Variants in PTGFRN observed in about 807,000 individuals in gnomAD.
PTGFRN encodes the protein prostaglandin F2 receptor negative regulator.
Under a neutral mutation model 83.2 loss-of-function variants are expected in PTGFRN, and 35 were observed. The observed-to-expected ratio is 0.42, with a 90% CI of 0.32 to 0.56. The LOEUF (loss-of-function observed/expected upper bound fraction) is 0.56, where lower values mean the gene tolerates loss of function less well. Ranked by LOEUF, PTGFRN falls within the 20% of genes least tolerant of loss-of-function variation. The probability of loss-of-function intolerance (pLI) is 0.11; values close to 1 mark genes in which losing one functional copy is unlikely to be tolerated. For synonymous variants in PTGFRN, 519 were observed against 498.6 expected (o/e 1.04, Z -0.55); for missense variants, 1,051 against 1,179.5 (o/e 0.89, Z 1.60).
intron 7 of PTGFRN, among the ~76,000 whole-genome samples, chr1:116,979,157 T>G (rs1349730751): frequency 6.6e-6 from 1 of 152,040 alleles, no homozygotes; most frequent in Non-Finnish European, 1.5e-5. Context: ...GGAATCCAAC[T>G]TACAAGGGAT....
At chr1:116,910,314 G>A (rs1336778670) in intron 1 of PTGFRN, 62 bp downstream of exon 1, 10 of 1,248,966 alleles carry the variant, frequency 8.0e-6, no homozygotes, top group Non-Finnish European at 1.0e-5. Context: ...AGGGCTCGGC[G>A]GGGCGCGGCT....
chr1:116,920,916 G>A (rs968175957), intron 1 of PTGFRN, among the ~76,000 whole-genome samples: 2 of 152,162 alleles, frequency 1.3e-5, no homozygotes, highest in Non-Finnish European at 2.9e-5. Flanking sequence ...GAGCTACCAT[G>A]TCTAGCCGAA....
chr1:116,956,124 A>G (rs771136978), intron 4 of PTGFRN, among the ~76,000 whole-genome samples: 27 of 152,238 alleles, frequency 1.8e-4, no homozygotes, highest in Non-Finnish European at 2.5e-4. Flanking sequence ...TCCTACTCCT[A>G]CCATTCTGAC....
chr1:116,912,199 C>G (rs1255388698), intron 1 of PTGFRN, among the ~76,000 whole-genome samples: 4 of 152,230 alleles, frequency 2.6e-5, no homozygotes, highest in Non-Finnish European at 1.5e-5. Flanking sequence ...CCAGCATATC[C>G]TGTCCTGGCT....
chr1:116,966,822 T>G, intron 5 of PTGFRN, 89 bp from the exon 6 acceptor site: 1 of 1,375,874 alleles, frequency 7.3e-7, no homozygotes, highest in Non-Finnish European at 9.8e-7. Flanking sequence ...TGCAAATACA[T>G]TTCTGTTTCT....
chr1:116,914,767 G>GA (rs1417491526), intron 1 of PTGFRN, among the ~76,000 whole-genome samples: 1 of 151,372 alleles, frequency 6.6e-6, no homozygotes, highest in African/African-American at 2.4e-5. Flanking sequence ...AAAAAAAAAG[G>GA]AAAAAAATGT....
rs542278545 is a variant in PTGFRN at position 116,938,700 on chromosome 1, A to G, written c.50-3015A>G. ...TTTCAAAACCAATCATGCCTTCCCA[A>G]CAGTCCCCCAAAGTCTTAACTCATT... On this transcript the variant is annotated intron_variant, in intron 1 of 8. Coordinates refer to ENST00000393203, the MANE Select transcript of PTGFRN (RefSeq NM_020440.4). Among the ~76,000 whole-genome samples the G allele has an allele frequency of 6.0e-4, 92 of 152,292 alleles. 1 individual carries two copies. Among genetic ancestry groups the G allele is most frequent in the African/African-American group, 2.2e-3 (90 of 41,558 alleles).
chr1:116,961,340 G>A lies in PTGFRN; in HGVS notation c.1311G>A (p.Gly437=), dbSNP rs1295477028. The A allele has an allele frequency of 3.8e-6, 6 of 1,581,594 alleles. No homozygotes were observed. The highest frequency in any genetic ancestry group is 1.7e-4 in the Middle Eastern group (1 of 5,900). ...GCCGGGTGGTGGACACGAAGAGTGG[G>A]GAGGCGAATGTCCGATTCACGGTTT... ...LACRVVDTKS[G]EANVRFTVSW... Residue 437 remains glycine, a synonymous_variant, in exon 5 of 9, where the codon GGG becomes GGA. Coordinates refer to ENST00000393203, the MANE Select transcript of PTGFRN (RefSeq NM_020440.4). The surrounding 1 kb of genome is among the most constrained non-coding windows in gnomAD (Gnocchi z 5.4).
rs1424542277 is a variant in PTGFRN, at chr1:116,949,370, T to C, written c.1011T>C (p.Asp337=). Reference sequence around the variant, plus strand: ...GCGTGTTGGCGCGGCTTGACCGTGATTCCCTGGTGCACAGCTCGCCTCATG... The same window carrying C: ...GCGTGTTGGCGCGGCTTGACCGTGACTCCCTGGTGCACAGCTCGCCTCATG... ...GSRVLARLDR[D]SLVHSSPHVA... Residue 337 remains aspartate (D), a synonymous_variant, in exon 4 of 9, where the codon GAT becomes GAC. Transcript: ENST00000393203. 10 of 1,614,122 alleles carry C rather than the reference T, an allele frequency of 6.2e-6. No homozygotes were observed. The highest frequency in any genetic ancestry group is 3.3e-5 in the Admixed American group (2 of 60,014).
At chr1:116,962,974 A>G (rs572526410) in intron 5 of PTGFRN, among the ~76,000 whole-genome samples, 2 of 152,252 alleles carry the variant, frequency 1.3e-5, no homozygotes, top group Non-Finnish European at 2.9e-5. Context: ...TTATGTGGTC[A>G]CCTACTATTA....
intron 6 of PTGFRN, among the ~76,000 whole-genome samples, chr1:116,968,497 C>A (rs1650903070): frequency 6.6e-6 from 1 of 152,020 alleles, no homozygotes. Context: ...TTGGAGAAAG[C>A]ATAGGCCTCC....
chr1:116,925,031 A>C (rs1350762785), intron 1 of PTGFRN, among the ~76,000 whole-genome samples: 2 of 152,200 alleles, frequency 1.3e-5, no homozygotes, highest in Non-Finnish European at 2.9e-5. Flanking sequence ...AGCCTTCAGC[A>C]AGCTGGACTC....
chr1:116,936,497 A>G (rs1295982404), intron 1 of PTGFRN, among the ~76,000 whole-genome samples: 1 of 152,242 alleles, frequency 6.6e-6, no homozygotes, highest in Admixed American at 6.5e-5. Context: ...GAGTTGGAAC[A>G]TGAAGGAAGG....
intron 5 of PTGFRN, among the ~76,000 whole-genome samples, chr1:116,963,638 C>T (rs1186595032): frequency 2.6e-5 from 4 of 152,122 alleles, no homozygotes; most frequent in African/African-American, 9.7e-5. Flanking sequence ...GACAGTGTCT[C>T]ACTCTGTTGC....
At chr1:116,943,828 G>A (rs10923172) in intron 2 of PTGFRN, among the ~76,000 whole-genome samples, 95,815 of 151,888 alleles carry the variant, frequency 0.63, 31,216 homozygotes, top group East Asian at 0.81. Context: ...TCTGAATATG[G>A]AATTGGGGGG....
chr1:116,951,737 A>T (rs1375271463), intron 4 of PTGFRN, among the ~76,000 whole-genome samples: 1 of 151,964 alleles, frequency 6.6e-6, no homozygotes, highest in African/African-American at 2.4e-5. Context: ...CTGCTTGGAC[A>T]CTTGTCAGGA....
chr1:116,981,128 C>T (rs758096961), intron 7 of PTGFRN, among the ~76,000 whole-genome samples: 4 of 152,200 alleles, frequency 2.6e-5, no homozygotes, highest in Non-Finnish European at 4.4e-5. Flanking sequence ...TGCTTAGCCT[C>T]ATTTAGTGAC....
chr1:116,959,748 C>T (rs1033402472), intron 4 of PTGFRN, among the ~76,000 whole-genome samples: 2 of 151,876 alleles, frequency 1.3e-5, no homozygotes, highest in Non-Finnish European at 2.9e-5. Context: ...CTGAGGTGGG[C>T]AGATCACTTG....
chr1:116,981,908 C>A (rs1300239203), intron 7 of PTGFRN, among the ~76,000 whole-genome samples: 1 of 152,064 alleles, frequency 6.6e-6, no homozygotes, highest in Non-Finnish European at 1.5e-5. Context: ...CATGGCTGAT[C>A]TTTAGAGGTA....
Sources: gnomAD v4.1 joint callset for allele counts (sites outside exome capture counted in the v4.1 genomes callset) on GRCh38, gnomAD v4.1.1 for gene constraint, Gnocchi (gnomAD v3.1) non-coding constraint, MANE v1.5 for transcripts, NCBI Gene and HGNC (gene_info 2026-07-23, HGNC 2026-07-21) for gene names.